The following KCNMA1 variants were observed in gnomAD, a reference collection of about 807,000 sequenced individuals.
KCNMA1 encodes the protein potassium calcium-activated channel subfamily M alpha 1, also known as Calcium-activated potassium channel subunit alpha-1.
Under a neutral mutation model 140.0 loss-of-function variants are expected in KCNMA1, and 29 were observed. The observed-to-expected ratio is 0.21, with a 90% CI of 0.15 to 0.28. The LOEUF is 0.28. KCNMA1 is among the 10% of genes least tolerant of loss of function. KCNMA1 has a pLI of 1.00. For synonymous variants in KCNMA1, 612 were observed against 611.9 expected, an observed-to-expected ratio of 1.00 and a Z score of 0.00; for missense variants, 880 against 1,602.2, an observed-to-expected ratio of 0.55 and a Z score of 7.70.
intron 2 of KCNMA1, among the ~76,000 whole-genome samples, chr10:77,276,525 C>T (rs1226706643): frequency 6.6e-6 from 1 of 152,202 alleles, no homozygotes; most frequent in Non-Finnish European, 1.5e-5. Flanking sequence ...TCAACTTCTT[C>T]ACCTCTAAAA....
At chr10:77,037,353 G>T (rs1304790533) in intron 15 of KCNMA1, among the ~76,000 whole-genome samples, 1 of 152,196 alleles carries the variant, frequency 6.6e-6, no homozygotes, top group Non-Finnish European at 1.5e-5. Flanking sequence ...GGAAATGCAG[G>T]TCTTGCATTG....
intron 2 of KCNMA1, among the ~76,000 whole-genome samples, chr10:77,377,166 C>T (rs550275534): frequency 4.5e-4 from 68 of 152,298 alleles, no homozygotes; most frequent in African/African-American, 1.6e-3. Flanking sequence ...GTCCACAGCA[C>T]ATTCCAGGGC....
At chr10:76,947,430 T>G (rs1470120062) in intron 22 of KCNMA1, among the ~76,000 whole-genome samples, 1 of 151,860 alleles carries the variant, frequency 6.6e-6, no homozygotes, top group East Asian at 1.9e-4. Context: ...AAATACCAAA[T>G]ATCACACATA....
At chr10:77,165,396 A>T (rs189285158) in intron 5 of KCNMA1, among the ~76,000 whole-genome samples, 10 of 152,360 alleles carry the variant, frequency 6.6e-5, no homozygotes, top group Admixed American at 6.5e-4. Context: ...TCTGAGAAAC[A>T]TATCTATTCA....
chr10:77,423,817 AG>A (rs771778247), intron 1 of KCNMA1, among the ~76,000 whole-genome samples: 12 of 152,140 alleles, frequency 7.9e-5, no homozygotes, highest in Non-Finnish European at 1.5e-4. Context: ...AAAATGAGAG[AG>A]GGGTCTGATT....
chr10:77,108,359 C>A lies in KCNMA1; in HGVS notation c.1223+122G>T, dbSNP rs935143920. The stretch of plus-strand genomic sequence containing the variant: ...AGGATGAGAGCAGCAATTTCGGGCA[C>A]GTAGCGGGCAAACATTGCCTACATG... On this transcript the variant is annotated intron_variant, in intron 9 of 27. Transcript: ENST00000286628. This position sits in a 1 kb window ranked among gnomAD's most constrained non-coding sequence, Gnocchi z 4.6. 1.3e-6 allele frequency: 2 copies of A among 1,591,666 alleles called. No homozygotes were observed. Among genetic ancestry groups the A allele is most frequent in the East Asian group, 2.2e-5 (1 of 44,700 alleles).
intron 20 of KCNMA1, among the ~76,000 whole-genome samples, chr10:76,961,572 C>T (rs1907743): frequency 6.6e-6 from 1 of 152,136 alleles, no homozygotes; most frequent in South Asian, 2.1e-4. Context: ...GGGTAAAATG[C>T]TATCCAACAG....
At chr10:77,081,038 C>T (rs2096552422) in intron 12 of KCNMA1, among the ~76,000 whole-genome samples, 1 of 152,152 alleles carries the variant, frequency 6.6e-6, no homozygotes, top group South Asian at 2.1e-4. Context: ...TGTCTCCTAC[C>T]TGCCCTCAGT....
At chr10:77,479,316 A>C (rs1207732209) in intron 1 of KCNMA1, among the ~76,000 whole-genome samples, 2 of 152,182 alleles carry the variant, frequency 1.3e-5, no homozygotes, top group Non-Finnish European at 2.9e-5. Flanking sequence ...TCTGGTGTGG[A>C]GGGCCATCCA....
chr10:77,253,043 C>CA (rs1391323221), intron 2 of KCNMA1, among the ~76,000 whole-genome samples: 1 of 152,136 alleles, frequency 6.6e-6, no homozygotes, highest in Non-Finnish European at 1.5e-5. Flanking sequence ...AACAAGCAAA[C>CA]AAAAACATGA....
intron 5 of KCNMA1, among the ~76,000 whole-genome samples, chr10:77,177,991 A>T (rs2098768256): frequency 6.6e-6 from 1 of 151,978 alleles, no homozygotes; most frequent in African/African-American, 2.4e-5. Context: ...TTGCCTTCTG[A>T]CACAAAAAAA....
intron 1 of KCNMA1, among the ~76,000 whole-genome samples, chr10:77,440,147 GA>G (rs896987654): frequency 7.3e-5 from 11 of 151,676 alleles, no homozygotes; most frequent in Non-Finnish European, 1.6e-4. Flanking sequence ...CACACCAAAG[GA>G]AAAAAAACAA....
intron 1 of KCNMA1, among the ~76,000 whole-genome samples, chr10:77,593,915 C>T (rs1222273648): frequency 1.3e-5 from 2 of 152,186 alleles, no homozygotes; most frequent in South Asian, 2.1e-4. Context: ...TGCCTTGGCT[C>T]GGTCCATCCA....
intron 11 of KCNMA1, among the ~76,000 whole-genome samples, chr10:77,086,211 G>A (rs570687510): frequency 4.6e-5 from 7 of 152,272 alleles, no homozygotes; most frequent in South Asian, 4.2e-4. Context: ...TCCTTGATGA[G>A]TAGCTGATTT....
At chr10:77,133,029 G>A (rs1025903801) in intron 5 of KCNMA1, among the ~76,000 whole-genome samples, 1 of 151,852 alleles carries the variant, frequency 6.6e-6, no homozygotes, top group Non-Finnish European at 1.5e-5. Flanking sequence ...AGAAAGGTGT[G>A]CAGAAATTCT....
intron 1 of KCNMA1, 54 bp downstream of exon 1, chr10:77,637,211 C>G: frequency 6.7e-7 from 1 of 1,489,286 alleles, no homozygotes; most frequent in Non-Finnish European, 9.1e-7. Flanking sequence ...CTGCAGGGGA[C>G]GCCGAGAAGC....
At position 77,327,143 on chromosome 10, in the gene KCNMA1, A is replaced by G. The variant is rs117226331; in HGVS notation, c.541-75887T>C. 2.1e-3 allele frequency among the ~76,000 whole-genome samples: 316 copies of G among 152,098 alleles called. 3 individuals are homozygous for G. The highest frequency in any genetic ancestry group is 0.013 in the East Asian group (69 of 5,156). Reference sequence around the variant, plus strand: ...TAGCAGTGGGTTAGCAGCAGATGTTACAGCAAAATGATCCAGACTGGGGGT... The same window carrying G: ...TAGCAGTGGGTTAGCAGCAGATGTTGCAGCAAAATGATCCAGACTGGGGGT... On this transcript the variant is annotated intron_variant, in intron 2 of 27. Coordinates refer to ENST00000286628, the MANE Select transcript of KCNMA1 (RefSeq NM_001161352.2).
intron 3 of KCNMA1, among the ~76,000 whole-genome samples, chr10:77,248,434 T>C (rs1161251796): frequency 6.6e-6 from 1 of 152,202 alleles, no homozygotes; most frequent in Non-Finnish European, 1.5e-5. Flanking sequence ...TTAGATTCAC[T>C]TGTGGGAAAG....
chr10:77,588,681 C>A (rs903367163), intron 1 of KCNMA1, among the ~76,000 whole-genome samples: 8 of 152,186 alleles, frequency 5.3e-5, no homozygotes, highest in African/African-American at 1.9e-4. Context: ...TCAACGAACT[C>A]AGCAAGATAG....
Sources: gnomAD v4.1 joint callset for allele counts (sites outside exome capture counted in the v4.1 genomes callset) on GRCh38, gnomAD v4.1.1 for gene constraint, Gnocchi (gnomAD v3.1) non-coding constraint, MANE v1.5 for transcripts, NCBI Gene and HGNC (gene_info 2026-07-23, HGNC 2026-07-21) for gene names.